Variants in ZBTB20 observed in about 807,000 individuals in gnomAD.
ZBTB20 encodes zinc finger and BTB domain-containing protein 20.
ZBTB20 carries 9 observed loss-of-function variants against 56.9 expected under a neutral mutation model. The observed-to-expected ratio is 0.16, with a 90% CI of 0.10 to 0.28. ZBTB20 has a LOEUF of 0.28. Ranked by LOEUF, ZBTB20 falls within the 10% of genes least tolerant of loss-of-function variation. The probability of loss-of-function intolerance (pLI) is 1.00; values close to 1 mark genes in which losing one functional copy is unlikely to be tolerated. For synonymous variants in ZBTB20, 417 were observed against 420.7 expected (o/e 0.99, Z 0.11); for missense variants, 655 against 1,003.0 (o/e 0.65, Z 4.69).
At chr3:115,041,363 A>T (rs1481795472) in intron 2 of ZBTB20, among the ~76,000 whole-genome samples, 3 of 152,146 alleles carry the variant, frequency 2.0e-5, no homozygotes, top group African/African-American at 7.2e-5. Context: ...ACAGTTAATA[A>T]ATAATAGTAC....
intron 4 of ZBTB20, among the ~76,000 whole-genome samples, chr3:114,806,553 C>T (rs1329114007): frequency 1.3e-5 from 2 of 151,840 alleles, no homozygotes; most frequent in Admixed American, 1.3e-4. Flanking sequence ...TTTGGTTTGT[C>T]ATTTCATTTC....
At chr3:114,714,333 A>C (rs570019513) in intron 5 of ZBTB20, among the ~76,000 whole-genome samples, 1 of 152,288 alleles carries the variant, frequency 6.6e-6, no homozygotes, top group East Asian at 1.9e-4. Context: ...TAAAAGCCCA[A>C]CTCTACATTC....
intron 5 of ZBTB20, among the ~76,000 whole-genome samples, chr3:114,794,888 T>C (rs964478333): frequency 5.9e-5 from 9 of 152,196 alleles, no homozygotes; most frequent in Middle Eastern, 3.4e-3. Flanking sequence ...TGCCCGGTCA[T>C]TGCACATGAT....
At chr3:114,680,445 C>A (rs1186634338) in intron 6 of ZBTB20, among the ~76,000 whole-genome samples, 1 of 152,166 alleles carries the variant, frequency 6.6e-6, no homozygotes, top group Non-Finnish European at 1.5e-5. Context: ...AGCCTGAGGG[C>A]ATTGACCTTG....
intron 5 of ZBTB20, among the ~76,000 whole-genome samples, chr3:114,777,952 G>A (rs1191260697): frequency 2.6e-5 from 4 of 151,644 alleles, no homozygotes. Flanking sequence ...GTAGGGACAT[G>A]GATGAAGCTG....
chr3:114,544,422 TTTCTTTCTTTCTTTCTTTC>T (rs1453047706), intron 6 of ZBTB20, among the ~76,000 whole-genome samples: 5 of 50,024 alleles, frequency 1.0e-4, no homozygotes, highest in Admixed American at 2.0e-4. Context: ...TCTTTCTTTC[TTTCTTTCTTTCTTTCTTTC>T]TTTCTTTCTT....
At chr3:115,136,736 A>G (rs1345366667) in intron 1 of ZBTB20, among the ~76,000 whole-genome samples, 1 of 152,154 alleles carries the variant, frequency 6.6e-6, no homozygotes, top group African/African-American at 2.4e-5. Flanking sequence ...ACTGTAATGT[A>G]GAATATTTGA....
At chr3:115,111,002 AT>A (rs2083863048) in intron 1 of ZBTB20, among the ~76,000 whole-genome samples, 2 of 104,156 alleles carry the variant, frequency 1.9e-5, no homozygotes, top group Admixed American at 1.0e-4. Flanking sequence ...AAAAATAAAA[AT>A]AAAAATAAAT....
intron 2 of ZBTB20, among the ~76,000 whole-genome samples, chr3:115,052,064 C>A (rs1382942918): frequency 6.6e-6 from 1 of 152,034 alleles, no homozygotes; most frequent in Non-Finnish European, 1.5e-5. Flanking sequence ...GATTAAAATA[C>A]AACATGAGAT....
intron 4 of ZBTB20, among the ~76,000 whole-genome samples, chr3:114,870,136 C>G (rs2075935495): frequency 6.6e-6 from 1 of 152,066 alleles, no homozygotes; most frequent in Non-Finnish European, 1.5e-5. Flanking sequence ...ACAATGTTGG[C>G]TAATAGTGTT....
At chr3:114,637,204 A>T (rs956567485) in intron 6 of ZBTB20, among the ~76,000 whole-genome samples, 4 of 152,074 alleles carry the variant, frequency 2.6e-5, no homozygotes, top group African/African-American at 9.7e-5. Flanking sequence ...ACAAAAACTG[A>T]ATAATTGTAA....
chr3:114,771,571 G>A (rs936373709), intron 5 of ZBTB20, among the ~76,000 whole-genome samples: 6 of 152,008 alleles, frequency 3.9e-5, no homozygotes, highest in African/African-American at 1.5e-4. Flanking sequence ...AGATTGCAGG[G>A]GTGAGCTCAT....
chr3:114,812,820 T>C (rs2108884888), intron 4 of ZBTB20, among the ~76,000 whole-genome samples: 1 of 152,322 alleles, frequency 6.6e-6, no homozygotes, highest in South Asian at 2.1e-4. Context: ...CATGGCGGGC[T>C]GCAGGTCCCG....
intron 1 of ZBTB20, among the ~76,000 whole-genome samples, chr3:115,141,511 A>T (rs1401829714): frequency 1.3e-5 from 2 of 152,214 alleles, no homozygotes; most frequent in Admixed American, 6.5e-5. Context: ...AAATCAAAAC[A>T]TATTTTATCT....
At chr3:114,486,540 G>A (rs2042170827) in intron 7 of ZBTB20, among the ~76,000 whole-genome samples, 1 of 152,102 alleles carries the variant, frequency 6.6e-6, no homozygotes, top group Admixed American at 6.6e-5. Context: ...ATTCAAGCAT[G>A]GTGGTGATGG....
intron 5 of ZBTB20, among the ~76,000 whole-genome samples, chr3:114,739,887 G>T (rs1327244599): frequency 1.3e-5 from 2 of 152,130 alleles, no homozygotes; most frequent in African/African-American, 4.8e-5. Context: ...CCCATTTTAT[G>T]GGCTCTGTAT....
intron 3 of ZBTB20, among the ~76,000 whole-genome samples, chr3:114,928,615 C>A (rs953720918): frequency 6.6e-6 from 1 of 152,222 alleles, no homozygotes; most frequent in East Asian, 1.9e-4. Context: ...GACTCCCACA[C>A]ACAATCTCAA....
At chr3:115,039,287 G>A (rs1368113446) in intron 2 of ZBTB20, among the ~76,000 whole-genome samples, 2 of 152,020 alleles carry the variant, frequency 1.3e-5, no homozygotes, top group Admixed American at 1.3e-4. Context: ...ATGGTAGAAA[G>A]AATCAAGGGT....
At chr3:114,799,210 C>G (rs1025677679) in intron 5 of ZBTB20, among the ~76,000 whole-genome samples, 2 of 151,908 alleles carry the variant, frequency 1.3e-5, no homozygotes, top group African/African-American at 4.8e-5. Context: ...ACTGAGGTAT[C>G]AGAGCATCAT....
Sources: allele counts gnomAD v4.1 joint callset (sites outside exome capture counted in the v4.1 genomes callset), GRCh38; gene constraint gnomAD v4.1.1; transcripts MANE v1.5; gene names NCBI Gene and HGNC (gene_info 2026-07-23, HGNC 2026-07-21).